The following PCDHA6 variants were observed in gnomAD, a reference collection of about 807,000 sequenced individuals.
PCDHA6 encodes the protein protocadherin alpha 6.
PCDHA6 carries 55 observed loss-of-function variants against 60.3 expected under a neutral mutation model. The observed-to-expected ratio is 0.91, with a 90% CI of 0.73 to 1.14. The LOEUF is 1.14. Ranked by LOEUF, PCDHA6 falls within the 50% of genes most tolerant of loss-of-function variation. The pLI is 0.00. For synonymous variants in PCDHA6, 652 were observed against 557.9 expected (o/e 1.17, Z -2.38); for missense variants, 1,327 against 1,256.5 (o/e 1.06, Z -0.85).
At position 140,829,863 on chromosome 5, in the gene PCDHA6, T is replaced by C; in HGVS notation, c.1772T>C (p.Val591Ala). 1.9e-6 allele frequency: 3 copies of C among 1,613,908 alleles called. No homozygotes were observed. The highest frequency in any genetic ancestry group is 2.5e-6 in the Non-Finnish European group (3 of 1,179,878). Residue 591 changes from valine (V) to alanine (A), a missense_variant, in exon 1 of 4, where the codon GTG becomes GCG. By Grantham distance (64) the Val-to-Ala change is moderately conservative (BLOSUM62 0). Coordinates refer to ENST00000529310, the MANE Select transcript of PCDHA6 (RefSeq NM_018909.4). Reference protein sequence around the residue: ...VPRSLGAGQVVAKVRAVDADS... With the variant: ...VPRSLGAGQVAAKVRAVDADS... Reference sequence around the variant, plus strand: ...CGGTCACTGGGTGCAGGCCAAGTGGTGGCGAAGGTGCGCGCAGTTGACGCC... The same window carrying C: ...CGGTCACTGGGTGCAGGCCAAGTGGCGGCGAAGGTGCGCGCAGTTGACGCC...
rs79831933 is a variant in PCDHA6, at chr5:140,933,507, A to G, written c.2395-45442A>G. ...TATTCTTTAGAATTGTTAAGCAAAG[A>G]CTACAGCTGTTTTGTTTAAACTCAA... On this transcript the variant is annotated intron_variant, in intron 1 of 3. Transcript: ENST00000529310. 5.9e-3 allele frequency among the ~76,000 whole-genome samples: 898 copies of G among 152,170 alleles called. 13 individuals carry two copies. Among genetic ancestry groups the G allele is most frequent in the African/African-American group, 0.02 (841 of 41,572 alleles).
At chr5:140,995,000 T>A (rs149795080) in intron 3 of PCDHA6, among the ~76,000 whole-genome samples, 1 of 152,328 alleles carries the variant, frequency 6.6e-6, no homozygotes, top group African/African-American at 2.4e-5. Flanking sequence ...GTTAGTTGGT[T>A]TGTTTATATT....
At chr5:140,927,526 G>T in intron 1 of PCDHA6, 3 of 1,614,086 alleles carry the variant, frequency 1.9e-6, no homozygotes, top group Non-Finnish European at 2.5e-6. Flanking sequence ...CGGGCTACCT[G>T]CCCGCTCAGG....
At chr5:140,951,276 T>C (rs1554219829) in intron 1 of PCDHA6, among the ~76,000 whole-genome samples, 1 of 152,200 alleles carries the variant, frequency 6.6e-6, no homozygotes, top group African/African-American at 2.4e-5. Context: ...CTATGTTAGG[T>C]AATTTTGGAT....
At chr5:140,967,511 G>T (rs1402187059) in intron 1 of PCDHA6, 2 of 1,612,876 alleles carry the variant, frequency 1.2e-6, no homozygotes, top group Non-Finnish European at 8.5e-7. Flanking sequence ...GCGTGTCCTG[G>T]ACACTAACGA....
At chr5:140,940,390 T>C (rs2092601477) in intron 1 of PCDHA6, among the ~76,000 whole-genome samples, 1 of 152,194 alleles carries the variant, frequency 6.6e-6, no homozygotes. Flanking sequence ...ATTTTGGTTA[T>C]TGTGTTTTTC....
intron 3 of PCDHA6, among the ~76,000 whole-genome samples, chr5:141,003,459 GCAC>G (rs1442979686): frequency 6.6e-6 from 1 of 152,028 alleles, no homozygotes; most frequent in African/African-American, 2.4e-5. Context: ...TTACAGGCGT[GCAC>G]CACCACAGTC....
chr5:140,843,065 C>G, intron 1 of PCDHA6: 1 of 1,595,232 alleles, frequency 6.3e-7, no homozygotes, highest in Non-Finnish European at 8.6e-7. Context: ...CAAGCTGGTG[C>G]CGCGGTCTGT....
Position 140,841,941 on chromosome 5 carries a change from C to A in PCDHA6, c.2394+11456C>A, listed in dbSNP as rs2150325943. The A allele has an allele frequency of 6.2e-6, 10 of 1,613,918 alleles. No individual in the cohort carries two copies. In the South Asian group the frequency reaches 7.7e-5, roughly 12 times the overall value. ...TCCTTGGACAGAGAGGACGCTCCTG[C>A]GCACCACTTATTCCTGACAGCCACA... On this transcript the variant is annotated intron_variant, in intron 1 of 3. Coordinates refer to ENST00000529310, the MANE Select transcript of PCDHA6 (RefSeq NM_018909.4).
At chr5:140,932,066 G>C (rs1196454003) in intron 1 of PCDHA6, among the ~76,000 whole-genome samples, 1 of 151,752 alleles carries the variant, frequency 6.6e-6, no homozygotes, top group Non-Finnish European at 1.5e-5. Flanking sequence ...AAAATTATCA[G>C]TTTAAGAAAT....
intron 1 of PCDHA6, among the ~76,000 whole-genome samples, chr5:140,947,190 C>T (rs1292127049): frequency 6.6e-6 from 1 of 151,120 alleles, no homozygotes; most frequent in Non-Finnish European, 1.5e-5. Flanking sequence ...TGGTATACTA[C>T]ACAGCCTTAA....
At chr5:140,961,646 T>C (rs554070301) in intron 1 of PCDHA6, among the ~76,000 whole-genome samples, 19 of 152,328 alleles carry the variant, frequency 1.2e-4, no homozygotes, top group African/African-American at 4.6e-4. Flanking sequence ...TAAGTCTATG[T>C]GGTTAGTTTG....
At chr5:140,861,304 A>G (rs1581606834) in intron 1 of PCDHA6, 1 of 189,694 alleles carries the variant, frequency 5.3e-6, no homozygotes, top group Non-Finnish European at 1.1e-5. Context: ...GTGAAGCGGG[A>G]AAGGACCAGT....
In PCDHA6 at chr5:140,849,837, G is replaced by A. The variant is rs2150452785; in HGVS notation, c.2394+19352G>A. The A allele has an allele frequency of 9.4e-6, 15 of 1,598,674 alleles. 2 individuals are homozygous for A. The Admixed American group carries it at 2.0e-4, about 22-fold the overall frequency. On this transcript the variant is annotated intron_variant, in intron 1 of 3. Coordinates refer to ENST00000529310, the MANE Select transcript of PCDHA6 (RefSeq NM_018909.4). ...CAGGGTGTCTGTGGAGGTGGCCGAC[G>A]TGAACGACAACGCACCAGCGTTCGC...
At chr5:140,913,203 G>A (rs2076251339) in intron 1 of PCDHA6, among the ~76,000 whole-genome samples, 1 of 152,182 alleles carries the variant, frequency 6.6e-6, no homozygotes, top group African/African-American at 2.4e-5. Flanking sequence ...TGGCAGTGAA[G>A]CCAATGGGTC....
chr5:140,970,400 C>T (rs1586425210), intron 1 of PCDHA6, among the ~76,000 whole-genome samples: 1 of 152,162 alleles, frequency 6.6e-6, no homozygotes, highest in Non-Finnish European at 1.5e-5. Context: ...AAGTGGATGG[C>T]TTACCCTACA....
intron 1 of PCDHA6, chr5:140,926,750 G>C (rs2083528007): frequency 8.0e-7 from 1 of 1,256,516 alleles, no homozygotes; most frequent in Non-Finnish European, 1.0e-6. Flanking sequence ...AACGTCGGCG[G>C]TCGCTGAGTA....
intron 1 of PCDHA6, chr5:140,869,801 T>C: frequency 6.2e-7 from 1 of 1,612,816 alleles, no homozygotes; most frequent in African/African-American, 1.3e-5. Flanking sequence ...GTCCAAGTCT[T>C]GGATGTCAAC....
intron 1 of PCDHA6, chr5:140,927,596 G>A (rs374002981): frequency 2.5e-6 from 4 of 1,614,044 alleles, no homozygotes; most frequent in African/African-American, 2.7e-5. Context: ...GTATTTGAGC[G>A]CTCCGTATAC....
Sources: allele counts gnomAD v4.1 joint callset (sites outside exome capture counted in the v4.1 genomes callset), GRCh38; gene constraint gnomAD v4.1.1; transcripts MANE v1.5; gene names NCBI Gene and HGNC (gene_info 2026-07-23, HGNC 2026-07-21).